TYR: variants seen among roughly 807,000 people sequenced by gnomAD.
TYR encodes the protein tyrosinase, also known as LB24-AB.
Under a neutral mutation model 51.5 loss-of-function variants are expected in TYR, and 58 were observed. The ratio of observed to expected loss-of-function variants is 1.13; its 90% CI spans 0.91 to 1.40. The LOEUF (loss-of-function observed/expected upper bound fraction) is 1.40. Among genes scored for constraint, TYR ranks in the 40% most tolerant of loss-of-function variants. TYR has a pLI of 0.00. For synonymous variants in TYR, 263 were observed against 235.2 expected, an observed-to-expected ratio of 1.12 and a Z score of -1.08; for missense variants, 732 against 647.4, an observed-to-expected ratio of 1.13 and a Z score of -1.42.
intron 2 of TYR, among the ~76,000 whole-genome samples, chr11:89,217,635 T>A (rs1289746571): frequency 6.6e-6 from 1 of 152,156 alleles, no homozygotes; most frequent in African/African-American, 2.4e-5. Context: ...TGAATGGATG[T>A]GTCTTGGGTG....
chr11:89,178,143 C>G lies in TYR; in HGVS notation c.190C>G (p.Pro64Ala). The change falls in exon 1 of 5, where the codon CCA (proline) becomes GCA (alanine). Residue 64 changes from proline to alanine, a missense_variant. Transcript: ENST00000263321. ...TCAGAATATCCTTCTGTCCAATGCA[C>G]CACTTGGGCCTCAATTTCCCTTCAC... is the stretch of plus-strand genomic sequence containing the variant. ...SCQNILLSNA[P>A]LGPQFPFTGV... is the part of the protein sequence containing the mutation. 6.2e-7 allele frequency: 1 copy of G among 1,614,202 alleles called. No individual in the cohort carries two copies. Among genetic ancestry groups the G allele is most frequent in the Non-Finnish European group, 8.5e-7 (1 of 1,180,028 alleles).
chr11:89,229,638 T>A (rs1447517227), intron 3 of TYR, among the ~76,000 whole-genome samples: 1 of 151,992 alleles, frequency 6.6e-6, no homozygotes, highest in South Asian at 2.1e-4. Flanking sequence ...TCTGCCCTTA[T>A]ACACAGAAAA....
chr11:89,180,703 G>C (rs1300533018), intron 1 of TYR, among the ~76,000 whole-genome samples: 2 of 152,082 alleles, frequency 1.3e-5, no homozygotes, highest in Non-Finnish European at 2.9e-5. Context: ...TGACTGAAGA[G>C]AAACAAGCAA....
chr11:89,205,567 G>A (rs78181987), intron 2 of TYR, among the ~76,000 whole-genome samples: 3,838 of 152,084 alleles, frequency 0.025, 173 homozygotes, highest in African/African-American at 0.088. Flanking sequence ...CACTATGGAG[G>A]CCAGAAGGTG....
chr11:89,237,466 G>T (rs991029097), intron 3 of TYR, among the ~76,000 whole-genome samples: 2 of 152,078 alleles, frequency 1.3e-5, no homozygotes, highest in African/African-American at 4.8e-5. Context: ...CCTATCCATT[G>T]TGTATTTGTG....
intron 3 of TYR, among the ~76,000 whole-genome samples, chr11:89,273,942 G>A (rs981656152): frequency 2.0e-5 from 3 of 151,666 alleles, no homozygotes; most frequent in Non-Finnish European, 4.4e-5. Flanking sequence ...TTGGATTCTG[G>A]CCTACTAATG....
intron 1 of TYR, among the ~76,000 whole-genome samples, chr11:89,181,853 A>G (rs1039151105): frequency 3.3e-5 from 5 of 152,172 alleles, no homozygotes; most frequent in African/African-American, 1.2e-4. Context: ...ATAAGGATCC[A>G]TTTAGGTTCA....
chr11:89,196,726 T>C (rs1356057112), intron 2 of TYR, among the ~76,000 whole-genome samples: 1 of 152,172 alleles, frequency 6.6e-6, no homozygotes, highest in Non-Finnish European at 1.5e-5. Context: ...TCTCAGTATA[T>C]TCAGTCCGAC....
At chr11:89,185,200 T>G (rs940878665) in intron 1 of TYR, among the ~76,000 whole-genome samples, 1 of 152,028 alleles carries the variant, frequency 6.6e-6, no homozygotes, top group African/African-American at 2.4e-5. Flanking sequence ...ATCATGAAAA[T>G]AGAGATAAAA....
At chr11:89,284,707 A>G in intron 3 of TYR, 66 bp from the exon 4 acceptor site, 8 of 1,509,220 alleles carry the variant, frequency 5.3e-6, no homozygotes, top group Non-Finnish European at 7.3e-6. Context: ...TTTTACTTTA[A>G]AAATTTTCAA....
intron 3 of TYR, among the ~76,000 whole-genome samples, chr11:89,263,091 T>C (rs561024289): frequency 3.1e-4 from 47 of 151,332 alleles, no homozygotes; most frequent in African/African-American, 1.1e-3. Flanking sequence ...CAAATACAAA[T>C]GGAAAAAAAA....
intron 3 of TYR, among the ~76,000 whole-genome samples, chr11:89,273,710 G>A (rs989097724): frequency 1.3e-5 from 2 of 151,836 alleles, no homozygotes; most frequent in African/African-American, 4.8e-5. Context: ...ATAAAATGTG[G>A]TATACCTGTT....
At chr11:89,290,444 A>G (rs555218461) in intron 4 of TYR, among the ~76,000 whole-genome samples, 2 of 152,224 alleles carry the variant, frequency 1.3e-5, no homozygotes, top group Non-Finnish European at 2.9e-5. Context: ...AACAAAAAAG[A>G]AAATATTTAT....
chr11:89,181,096 C>A (rs2135244548), intron 1 of TYR, among the ~76,000 whole-genome samples: 1 of 152,216 alleles, frequency 6.6e-6, no homozygotes, highest in African/African-American at 2.4e-5. Flanking sequence ...TACGCTGCAA[C>A]TTCCGCCTCC....
chr11:89,228,005 T>C (rs774720907), intron 3 of TYR, 35 bp downstream of exon 3: 6 of 1,610,778 alleles, frequency 3.7e-6, no homozygotes, highest in East Asian at 2.2e-5. Flanking sequence ...AACGTGCTCA[T>C]TGGATTTAAA....
Position 89,177,882 on chromosome 11 carries a change from T to G in TYR, c.-72T>G. 7.0e-7 allele frequency: 1 copy of G among 1,434,704 alleles called. No homozygotes were observed. The highest frequency in any genetic ancestry group is 1.2e-5 in the South Asian group (1 of 86,434). 88.9% of individuals were successfully genotyped at this position (1,434,704 alleles called of 1,614,324 possible). A position where few individuals can be genotyped will look rare whatever the true frequency, so the allele number is the denominator to read the frequency against. ...CCAAGACATGTGATAATCACTGTAGTAGTAGCTGGAAAGAGAAATCTGTGA... is the reference window on the plus strand; with the variant it reads ...CCAAGACATGTGATAATCACTGTAGGAGTAGCTGGAAAGAGAAATCTGTGA... On this transcript the variant is annotated 5_prime_UTR_variant, in exon 1 of 5. Transcript: ENST00000263321.
intron 2 of TYR, 78 bp from the exon 3 acceptor site, chr11:89,227,745 A>G: frequency 7.9e-7 from 1 of 1,272,576 alleles, no homozygotes; most frequent in Non-Finnish European, 1.1e-6. Flanking sequence ...AGTTATAGTT[A>G]TAAATCAAAT....
chr11:89,210,058 TCTC>T (rs1943732148), intron 2 of TYR, among the ~76,000 whole-genome samples: 4 of 152,042 alleles, frequency 2.6e-5, no homozygotes, highest in Admixed American at 2.6e-4. Context: ...GAATGCCTCT[TCTC>T]CTCCAAAGGA....
chr11:89,291,478 CT>C (rs894999847), intron 4 of TYR, among the ~76,000 whole-genome samples: 24 of 151,020 alleles, frequency 1.6e-4, no homozygotes, highest in Middle Eastern at 3.4e-3. Flanking sequence ...AGTAAAAAGA[CT>C]TTTTTTTTAT....
Sources: allele counts gnomAD v4.1 joint callset (sites outside exome capture counted in the v4.1 genomes callset), GRCh38; gene constraint gnomAD v4.1.1; transcripts MANE v1.5; gene names NCBI Gene and HGNC (gene_info 2026-07-23, HGNC 2026-07-21).